KIRREL3: variants seen among roughly 807,000 people sequenced by gnomAD.
KIRREL3 encodes kin of IRRE-like protein 3.
A neutral mutation model predicts 89.7 loss-of-function variants in KIRREL3; 36 were observed. The observed-to-expected ratio is 0.40, with a 90% CI of 0.31 to 0.53. The LOEUF (loss-of-function observed/expected upper bound fraction) is 0.53, where lower values mean the gene tolerates loss of function less well. Among genes scored for constraint, KIRREL3 ranks in the 20% least tolerant of loss-of-function variants. The pLI is 0.49. For missense variants in KIRREL3, 864 were observed against 1,056.6 expected (o/e 0.82, Z 2.53); for synonymous variants, 445 against 441.4 (o/e 1.01, Z -0.10).
intron 4 of KIRREL3, among the ~76,000 whole-genome samples, chr11:126,487,153 G>T (rs936675324): frequency 6.6e-6 from 1 of 152,208 alleles, no homozygotes; most frequent in Non-Finnish European, 1.5e-5. Context: ...TGAGATGACA[G>T]ATTAGGAATA....
chr11:126,691,504 G>A (rs1946876628), intron 1 of KIRREL3, among the ~76,000 whole-genome samples: 1 of 152,188 alleles, frequency 6.6e-6, no homozygotes, highest in Admixed American at 6.5e-5. Context: ...AGTTTTAGCA[G>A]CAGAATTCAA....
chr11:126,629,832 C>G (rs1943943085), intron 1 of KIRREL3, among the ~76,000 whole-genome samples: 1 of 152,200 alleles, frequency 6.6e-6, no homozygotes, highest in Non-Finnish European at 1.5e-5. Flanking sequence ...CTTCCTGGTT[C>G]TATGAGCCAC....
chr11:126,677,518 G>A lies in KIRREL3; in HGVS notation c.56-114606C>T, dbSNP rs906292882. ...CCCCATTTTAGTTGAGAGTGCTGAG[G>A]TTCGGAGGTGAAATGACTTGTCAGA... On this transcript the variant is annotated intron_variant, in intron 1 of 16. Coordinates refer to ENST00000525144, the MANE Select transcript of KIRREL3 (RefSeq NM_032531.4). This position sits in a 1 kb window ranked among gnomAD's most constrained non-coding sequence, Gnocchi z 5.1. 6.6e-6 allele frequency among the ~76,000 whole-genome samples: 1 copy of A among 152,186 alleles called. No individual in the cohort carries two copies. Among genetic ancestry groups the A allele is most frequent in the African/African-American group, 2.4e-5 (1 of 41,442 alleles).
chr11:126,631,810 C>T (rs1282490021), intron 1 of KIRREL3, among the ~76,000 whole-genome samples: 4 of 152,214 alleles, frequency 2.6e-5, no homozygotes, highest in Admixed American at 2.6e-4. Context: ...GATGAACAAG[C>T]TCTGTGAGGC....
intron 1 of KIRREL3, among the ~76,000 whole-genome samples, chr11:126,632,838 T>A (rs1288188726): frequency 1.1e-5 from 1 of 89,440 alleles, no homozygotes; most frequent in Non-Finnish European, 2.4e-5. Flanking sequence ...ATGCCTGTAA[T>A]CCCAGCACTT....
chr11:126,825,093 A>G (rs1175641630), intron 1 of KIRREL3, among the ~76,000 whole-genome samples: 1 of 152,234 alleles, frequency 6.6e-6, no homozygotes, highest in Non-Finnish European at 1.5e-5. Flanking sequence ...TTTTCCTTTC[A>G]TAGTGATTTC....
At chr11:126,545,979 T>G (rs995857988) in intron 2 of KIRREL3, among the ~76,000 whole-genome samples, 4 of 152,246 alleles carry the variant, frequency 2.6e-5, no homozygotes, top group Non-Finnish European at 5.9e-5. Flanking sequence ...TTATTTGTCT[T>G]TCCTAAGTTT....
Position 126,432,633 on chromosome 11 carries a change from C to T in KIRREL3, c.1589-1107G>A, listed in dbSNP as rs371929124. ...CCCACAGAGTGACATGTGAGATCCC[C>T]CACATCTCATGTGCTCGGTACCGCC... On this transcript the variant is annotated intron_variant, in intron 13 of 16. Transcript: ENST00000525144. The surrounding 1 kb of genome is among the most constrained non-coding windows in gnomAD (Gnocchi z 6.2). Among the ~76,000 whole-genome samples the T allele has an allele frequency of 1.3e-5, 2 of 152,256 alleles. No individual in the cohort carries two copies. The highest frequency in any genetic ancestry group is 2.1e-4 in the South Asian group (1 of 4,810).
At chr11:126,654,706 G>A (rs1280282783) in intron 1 of KIRREL3, among the ~76,000 whole-genome samples, 3 of 152,160 alleles carry the variant, frequency 2.0e-5, no homozygotes, top group African/African-American at 7.2e-5. Context: ...CCGACATCGT[G>A]AGAGGTCTGA....
rs766808639 is a variant in KIRREL3, at chr11:126,475,722, C to T, written c.434-2256G>A. ...CACCCTTTCATTAGTGCCCATGGGCCTCCTTGGGGTGGGCCTGGCCACAGG... is the reference window on the plus strand; with the variant it reads ...CACCCTTTCATTAGTGCCCATGGGCTTCCTTGGGGTGGGCCTGGCCACAGG... On this transcript the variant is annotated intron_variant, in intron 4 of 16. Transcript: ENST00000525144. The surrounding 1 kb of genome is among the most constrained non-coding windows in gnomAD (Gnocchi z 7.5). Among the ~76,000 whole-genome samples, 3 of 152,258 alleles carry T rather than the reference C, an allele frequency of 2.0e-5. No individual in the cohort carries two copies. The highest frequency in any genetic ancestry group is 2.9e-5 in the Non-Finnish European group (2 of 68,048).
chr11:126,784,673 T>C (rs1950429577), intron 1 of KIRREL3, among the ~76,000 whole-genome samples: 2 of 150,962 alleles, frequency 1.3e-5, no homozygotes, highest in South Asian at 4.2e-4. Context: ...GTATCTGACT[T>C]GGTTAGAGGC....
At chr11:126,828,152 T>C (rs1026513314) in intron 1 of KIRREL3, among the ~76,000 whole-genome samples, 1 of 152,288 alleles carries the variant, frequency 6.6e-6, no homozygotes, top group South Asian at 2.1e-4. Context: ...TAAAAAGAGG[T>C]AATTCATCCG....
At chr11:126,947,752 C>T (rs1408100958) in intron 1 of KIRREL3, among the ~76,000 whole-genome samples, 1 of 152,196 alleles carries the variant, frequency 6.6e-6, no homozygotes, top group African/African-American at 2.4e-5. Context: ...TTAGCTAAAA[C>T]AATCTGGAAA....
At chr11:126,842,600 T>A (rs1181561974) in intron 1 of KIRREL3, among the ~76,000 whole-genome samples, 3 of 152,222 alleles carry the variant, frequency 2.0e-5, no homozygotes, top group African/African-American at 7.2e-5. Flanking sequence ...GTGGGACAGA[T>A]GGTCTTGTCT....
Position 126,492,449 on chromosome 11 carries a change from TC to T in KIRREL3, c.434-18984del, listed in dbSNP as rs34343543. Among the ~76,000 whole-genome samples the T allele has an allele frequency of 6.6e-6, 1 of 152,138 alleles. No individual in the cohort carries two copies. Among genetic ancestry groups the T allele is most frequent in the Non-Finnish European group, 1.5e-5 (1 of 68,024 alleles). ...CCTCATTAGTTTTGCTGAAGTTACTTCCCTGCTCCCAGTTAGCCCCTGTCCG... is the reference window on the plus strand; with the variant it reads ...CCTCATTAGTTTTGCTGAAGTTACTTCCTGCTCCCAGTTAGCCCCTGTCCG... On this transcript the variant is annotated intron_variant, in intron 4 of 16. Coordinates refer to ENST00000525144, the MANE Select transcript of KIRREL3 (RefSeq NM_032531.4). The surrounding 1 kb of genome is among the most constrained non-coding windows in gnomAD (Gnocchi z 4.8).
Position 126,653,350 on chromosome 11 carries a change from A to G in KIRREL3, c.56-90438T>C, listed in dbSNP as rs971543306. Among the ~76,000 whole-genome samples the G allele has an allele frequency of 3.3e-5, 5 of 152,156 alleles. No individual in the cohort carries two copies. Among genetic ancestry groups the G allele is most frequent in the Admixed American group, 2.0e-4 (3 of 15,272 alleles). On this transcript the variant is annotated intron_variant, in intron 1 of 16. Transcript: ENST00000525144. This position sits in a 1 kb window ranked among gnomAD's most constrained non-coding sequence, Gnocchi z 5.4. ...GAGGCACCAGCTGGACCCGCCCAGG[A>G]AGCCAAGCCCCTGTGCTGCCTCAGT...
At chr11:126,638,131 G>A (rs1490061909) in intron 1 of KIRREL3, among the ~76,000 whole-genome samples, 1 of 152,226 alleles carries the variant, frequency 6.6e-6, no homozygotes, top group East Asian at 1.9e-4. Flanking sequence ...GGAATGGGAA[G>A]CTCAGAAGAG....
chr11:126,838,167 A>T (rs1380527929), intron 1 of KIRREL3, among the ~76,000 whole-genome samples: 1 of 152,238 alleles, frequency 6.6e-6, no homozygotes, highest in Non-Finnish European at 1.5e-5. Flanking sequence ...AGAGGTTTCT[A>T]CTGGGCATGC....
chr11:126,643,256 C>T lies in KIRREL3; in HGVS notation c.56-80344G>A, dbSNP rs1944541640. Among the ~76,000 whole-genome samples the T allele has an allele frequency of 6.6e-6, 1 of 152,148 alleles. No homozygotes were observed. Among genetic ancestry groups the T allele is most frequent in the African/African-American group, 2.4e-5 (1 of 41,418 alleles). On this transcript the variant is annotated intron_variant, in intron 1 of 16. Coordinates refer to ENST00000525144, the MANE Select transcript of KIRREL3 (RefSeq NM_032531.4). This position sits in a 1 kb window ranked among gnomAD's most constrained non-coding sequence, Gnocchi z 4.5. ...AAAGAAGATAATGCATATTAAAGTT[C>T]TTGGTACATAGCAGATGCTCAATAA... is the stretch of plus-strand genomic sequence containing the variant.
Sources: gnomAD v4.1 joint callset for allele counts (sites outside exome capture counted in the v4.1 genomes callset) on GRCh38, gnomAD v4.1.1 for gene constraint, Gnocchi (gnomAD v3.1) non-coding constraint, MANE v1.5 for transcripts, NCBI Gene and HGNC (gene_info 2026-07-23, HGNC 2026-07-21) for gene names.